The following ANKRD12 variants were observed in gnomAD, a reference collection of about 807,000 sequenced individuals.
ANKRD12 encodes the protein ankyrin repeat domain-containing protein 12.
Under a neutral mutation model 183.4 loss-of-function variants are expected in ANKRD12, and 85 were observed. The observed-to-expected ratio is 0.46, with a 90% confidence interval of 0.39 to 0.56. The LOEUF (loss-of-function observed/expected upper bound fraction) is 0.56, where lower values mean the gene tolerates loss of function less well. ANKRD12 is among the 20% of genes least tolerant of loss of function. The probability of loss-of-function intolerance (pLI) is 0.00; values close to 1 mark genes in which losing one functional copy is unlikely to be tolerated. For synonymous variants in ANKRD12, 914 were observed against 800.2 expected (o/e 1.14, Z -2.40); for missense variants, 2,405 against 2,357.1 (o/e 1.02, Z -0.42).
intron 6 of ANKRD12, 77 bp downstream of exon 6, chr18:9,211,861 C>A (rs2035821125): frequency 1.6e-6 from 2 of 1,242,708 alleles, no homozygotes; most frequent in African/African-American, 1.5e-5. Flanking sequence ...AATCTACATT[C>A]TTTTATTCAT....
intron 8 of ANKRD12, among the ~76,000 whole-genome samples, chr18:9,227,654 A>C (rs985615241): frequency 6.6e-6 from 1 of 152,170 alleles, no homozygotes; most frequent in Non-Finnish European, 1.5e-5. Context: ...GAAACCCATG[A>C]GTTTATTATG....
At chr18:9,215,224 C>G (rs1195614269) in intron 6 of ANKRD12, among the ~76,000 whole-genome samples, 3 of 152,078 alleles carry the variant, frequency 2.0e-5, no homozygotes, top group African/African-American at 7.2e-5. Flanking sequence ...GGAAGAGAAG[C>G]AAGCACCAAG....
At chr18:9,152,140 A>T (rs1203130257) in intron 1 of ANKRD12, among the ~76,000 whole-genome samples, 1 of 152,238 alleles carries the variant, frequency 6.6e-6, no homozygotes, top group South Asian at 2.1e-4. Flanking sequence ...ACTTCTGGAC[A>T]AAAGGGTAGA....
At chr18:9,206,121 G>A (rs565004642) in intron 4 of ANKRD12, among the ~76,000 whole-genome samples, 1 of 152,108 alleles carries the variant, frequency 6.6e-6, no homozygotes, top group South Asian at 2.1e-4. Flanking sequence ...TTCTCTGTTT[G>A]CTTTGAATAG....
At chr18:9,279,668 TA>T in intron 12 of ANKRD12, 24 bp downstream of exon 12, 1 of 1,345,732 alleles carries the variant, frequency 7.4e-7, no homozygotes, top group East Asian at 2.3e-5. Context: ...GAAGTCAGTT[TA>T]AATGAATGCT....
At chr18:9,189,089 C>T (rs369721552) in intron 2 of ANKRD12, among the ~76,000 whole-genome samples, 1 of 152,124 alleles carries the variant, frequency 6.6e-6, no homozygotes, top group Non-Finnish European at 1.5e-5. Flanking sequence ...AGGAAAAGTT[C>T]TTGAAGAACA....
chr18:9,263,153 C>T (rs992602450), intron 9 of ANKRD12, among the ~76,000 whole-genome samples: 8 of 152,072 alleles, frequency 5.3e-5, no homozygotes, highest in African/African-American at 1.9e-4. Flanking sequence ...CTTCCTTAAC[C>T]TCCAGCATCT....
chr18:9,219,762 A>G (rs2036312476), intron 7 of ANKRD12, among the ~76,000 whole-genome samples: 1 of 152,054 alleles, frequency 6.6e-6, no homozygotes, highest in Non-Finnish European at 1.5e-5. Context: ...AGAAAAGAAA[A>G]AAAAAAAAAA....
chr18:9,248,543 C>T (rs1292165375), intron 8 of ANKRD12, among the ~76,000 whole-genome samples: 1 of 152,124 alleles, frequency 6.6e-6, no homozygotes, highest in African/African-American at 2.4e-5. Flanking sequence ...ATTCATTTTA[C>T]CTAATTTCCT....
Position 9,211,715 on chromosome 18 carries a change from C to A in ANKRD12, c.583C>A (p.Arg195=). 1 of 1,613,598 alleles carries A rather than the reference C, an allele frequency of 6.2e-7. No individual in the cohort carries two copies. Among genetic ancestry groups the A allele is most frequent in the Non-Finnish European group, 8.5e-7 (1 of 1,179,760 alleles). ...AACTCCTTTACACATGGCTGCTATT[C>A]GAGGAGATGTGAAACAAGTTAAAGA... ...GETPLHMAAI[R]GDVKQVKELI... The change falls in exon 6 of 13, where the codon CGA becomes AGA. Residue 195 remains arginine (R), a synonymous_variant. Transcript: ENST00000262126.
intron 8 of ANKRD12, among the ~76,000 whole-genome samples, chr18:9,231,759 AG>A (rs1461906839): frequency 1.4e-5 from 2 of 138,222 alleles, no homozygotes; most frequent in Non-Finnish European, 3.0e-5. Context: ...TGGGAGGCGG[AG>A]GTTGCAGGGG....
intron 10 of ANKRD12, among the ~76,000 whole-genome samples, chr18:9,274,722 GA>G (rs2039752385): frequency 6.6e-6 from 1 of 152,146 alleles, no homozygotes. Context: ...TTTGGAGAGA[GA>G]AAATGTATTT....
At chr18:9,162,602 T>A (rs753565265) in intron 1 of ANKRD12, among the ~76,000 whole-genome samples, 27 of 152,300 alleles carry the variant, frequency 1.8e-4, no homozygotes, top group Admixed American at 4.6e-4. Context: ...TATTTCTGCC[T>A]CTAGATCTTT....
At position 9,204,549 on chromosome 18, in the gene ANKRD12, T is replaced by G; in HGVS notation, c.304+5T>G. 7 of 1,569,952 alleles carry G rather than the reference T, an allele frequency of 4.5e-6. No homozygotes were observed. Among genetic ancestry groups the G allele is most frequent in the Non-Finnish European group, 5.2e-6 (6 of 1,151,992 alleles). The stretch of plus-strand genomic sequence containing the variant: ...CTTCTTACAGGACATACTCAGGTAA[T>G]TAGATTATCAGGTGTTCCTGTTTAG... On this transcript the variant is annotated splice_donor_5th_base_variant and intron_variant, in intron 4 of 12. Coordinates refer to ENST00000262126, the MANE Select transcript of ANKRD12 (RefSeq NM_015208.5).
chr18:9,223,145 G>A (rs1465468080), intron 8 of ANKRD12, among the ~76,000 whole-genome samples: 1 of 152,154 alleles, frequency 6.6e-6, no homozygotes, highest in Admixed American at 6.5e-5. Context: ...AGGGTTGGGC[G>A]TGGTGGCTCA....
At chr18:9,202,477 T>TCTGCCCCC (rs2035230686) in intron 3 of ANKRD12, among the ~76,000 whole-genome samples, 1 of 152,224 alleles carries the variant, frequency 6.6e-6, no homozygotes, top group Admixed American at 6.5e-5. Flanking sequence ...TAGATTTACT[T>TCTGCCCCC]CTGCCCCCTT....
chr18:9,257,566 C>CT lies in ANKRD12; in HGVS notation c.4302dup (p.Ile1435TyrfsTer6). 6.2e-7 allele frequency: 1 copy of CT among 1,614,072 alleles called. No homozygotes were observed. The highest frequency in any genetic ancestry group is 8.5e-7 in the Non-Finnish European group (1 of 1,179,974). On this transcript the variant is annotated frameshift_variant, in exon 9 of 13. Transcript: ENST00000262126. LOFTEE classifies it high-confidence loss of function. ...GACTAGAGACATTAAGCACCAGAGA[C>CT]TTTATCTGCCCAAATTCTAACATAC... is the stretch of plus-strand genomic sequence containing the variant.
Position 9,256,948 on chromosome 18 carries a change from T to C in ANKRD12, c.3681T>C (p.Val1227=), listed in dbSNP as rs2038669017. ...CAGTGACAACCCCAAGGCCTCCAGT[T>C]GAGTATGACTCTGACTTTATGTTAG... ...HTTVTTPRPP[V]EYDSDFMLES... Residue 1227 remains valine (V), a synonymous_variant, in exon 9 of 13, where the codon GTT becomes GTC. Transcript: ENST00000262126. 2.5e-6 allele frequency: 4 copies of C among 1,613,966 alleles called. No homozygotes were observed. The highest frequency in any genetic ancestry group is 3.4e-6 in the Non-Finnish European group (4 of 1,180,006).
rs2040150644 is a variant in ANKRD12 at position 9,282,822 on chromosome 18, T to C, written c.*1696T>C. 1 of 152,376 alleles carries C rather than the reference T, an allele frequency of 6.6e-6. No individual in the cohort carries two copies. The highest frequency in any genetic ancestry group is 6.6e-5 in the Admixed American group (1 of 15,228). The allele number at this position is 152,376 out of a possible 1,614,324, so 9.4% of individuals were successfully genotyped here. A position where few individuals can be genotyped will look rare whatever the true frequency, so the allele number is the denominator to read the frequency against. On this transcript the variant is annotated 3_prime_UTR_variant, in exon 13 of 13. Transcript: ENST00000262126. ...TTACGTCAGTTTATATTTTAATTCT[T>C]ACTGTACTTGGCATGCGCAATAAAG...
Sources: gnomAD v4.1 joint callset for allele counts (sites outside exome capture counted in the v4.1 genomes callset) on GRCh38, gnomAD v4.1.1 for gene constraint, MANE v1.5 for transcripts, NCBI Gene and HGNC (gene_info 2026-07-23, HGNC 2026-07-21) for gene names.